Variants in SOX5 observed in about 807,000 individuals in gnomAD.
The protein encoded by SOX5 is transcription factor SOX-5.
In SOX5, 9 loss-of-function variants were observed where a neutral mutation model predicts 92.0. That is an observed-to-expected ratio of 0.10 (90% confidence interval 0.06 to 0.17). The LOEUF is 0.17. SOX5 is among the 10% of genes least tolerant of loss of function. SOX5 has a pLI of 1.00. For synonymous variants in SOX5, 344 were observed against 336.3 expected (o/e 1.02, Z -0.25); for missense variants, 642 against 944.5 (o/e 0.68, Z 4.20).
Position 24,528,272 on chromosome 12 carries a change from A to G in SOX5, c.-251+34057T>C, listed in dbSNP as rs147211539. Among the ~76,000 whole-genome samples the G allele has an allele frequency of 6.9e-3, 1,054 of 152,254 alleles. 13 individuals are homozygous for G. Among genetic ancestry groups the G allele is most frequent in the African/African-American group, 0.024 (1,011 of 41,558 alleles). Reference sequence around the variant, plus strand: ...CGGCTCTGCTGGTCTTGACCTGTACATCCCCTTTTATGGAAAATATAAACA... The same window carrying G: ...CGGCTCTGCTGGTCTTGACCTGTACGTCCCCTTTTATGGAAAATATAAACA... On this transcript the variant is annotated intron_variant, in intron 1 of 4. Transcript: ENST00000446891.
chr12:24,363,960 C>T (rs1185769294), intron 2 of SOX5, among the ~76,000 whole-genome samples: 1 of 152,176 alleles, frequency 6.6e-6, no homozygotes, highest in Non-Finnish European at 1.5e-5. Flanking sequence ...AAACAGAAAA[C>T]CTTCAGGCCC....
intron 9 of SOX5, among the ~76,000 whole-genome samples, chr12:23,597,341 GACCA>G (rs1952643876): frequency 6.6e-6 from 1 of 152,034 alleles, no homozygotes; most frequent in African/African-American, 2.4e-5. Flanking sequence ...GTAAAAATGT[GACCA>G]ACCCTCAACT....
intron 1 of SOX5, among the ~76,000 whole-genome samples, chr12:23,901,833 G>A (rs2097236759): frequency 6.6e-6 from 1 of 152,166 alleles, no homozygotes; most frequent in Non-Finnish European, 1.5e-5. Flanking sequence ...CTCTGATTAT[G>A]CCCTACCTAG....
chr12:23,887,296 C>CA (rs775705883), intron 2 of SOX5, among the ~76,000 whole-genome samples: 2 of 151,770 alleles, frequency 1.3e-5, no homozygotes, highest in Non-Finnish European at 2.9e-5. Context: ...TTGAGATCCA[C>CA]AAGAAGATCC....
chr12:23,960,480 T>G (rs1946767281), intron 4 of SOX5, among the ~76,000 whole-genome samples: 1 of 141,862 alleles, frequency 7.0e-6, no homozygotes, highest in Non-Finnish European at 1.5e-5. Context: ...ATATATATGT[T>G]TTATATATAT....
At chr12:24,504,360 T>C (rs945704235) in intron 1 of SOX5, among the ~76,000 whole-genome samples, 2 of 152,188 alleles carry the variant, frequency 1.3e-5, no homozygotes, top group Admixed American at 6.5e-5. Context: ...CTTCAATATA[T>C]AAATGTGGGC....
At chr12:24,225,482 T>G (rs1211706062) in intron 3 of SOX5, among the ~76,000 whole-genome samples, 1 of 37,358 alleles carries the variant, frequency 2.7e-5, no homozygotes, top group Non-Finnish European at 6.2e-5. Flanking sequence ...ATCAGAGGTT[T>G]TTTTTTTTTT....
At chr12:24,531,067 C>T (rs1485614889) in intron 1 of SOX5, among the ~76,000 whole-genome samples, 16 of 151,924 alleles carry the variant, frequency 1.1e-4, no homozygotes, top group Admixed American at 7.9e-4. Context: ...ACTGTTTATC[C>T]GTGGAAATTA....
intron 2 of SOX5, among the ~76,000 whole-genome samples, chr12:23,875,931 T>C (rs2096922428): frequency 6.6e-6 from 1 of 152,222 alleles, no homozygotes; most frequent in South Asian, 2.1e-4. Context: ...TTGGAAATAC[T>C]GTAGCACAAA....
chr12:23,597,326 T>A (rs1003381281), intron 9 of SOX5, among the ~76,000 whole-genome samples: 1 of 152,222 alleles, frequency 6.6e-6, no homozygotes, highest in Non-Finnish European at 1.5e-5. Flanking sequence ...TTTATTGTTT[T>A]TATGGTAAAA....
chr12:24,182,727 T>A (rs930233881), intron 4 of SOX5, among the ~76,000 whole-genome samples: 3 of 152,182 alleles, frequency 2.0e-5, no homozygotes, highest in African/African-American at 7.2e-5. Flanking sequence ...AATTGCTAAT[T>A]CTTTGAGACA....
At chr12:24,212,639 A>G (rs930000805) in intron 4 of SOX5, 2 of 359,146 alleles carry the variant, frequency 5.6e-6, no homozygotes, top group Admixed American at 8.7e-5. Flanking sequence ...ACACACAGCC[A>G]TTAGCCACAA....
At chr12:23,755,608 T>C in intron 4 of SOX5, 30 bp downstream of exon 4, 1 of 1,486,392 alleles carries the variant, frequency 6.7e-7, no homozygotes, top group African/African-American at 1.4e-5. Context: ...TTTTGGTACA[T>C]TTTGGATAAA....
At chr12:24,339,146 C>A (rs185542454) in intron 2 of SOX5, among the ~76,000 whole-genome samples, 5 of 129,292 alleles carry the variant, frequency 3.9e-5, no homozygotes, top group African/African-American at 1.2e-4. Flanking sequence ...CTGTTTCTCT[C>A]TCTCTCTCTC....
intron 6 of SOX5, among the ~76,000 whole-genome samples, chr12:23,709,469 T>C (rs895181237): frequency 8.5e-5 from 13 of 152,074 alleles, no homozygotes; most frequent in Non-Finnish European, 1.5e-4. Flanking sequence ...CTTGGGGTTT[T>C]ATAAAAAAGG....
In SOX5 at chr12:23,543,275, A is replaced by G. The variant is rs747454633; in HGVS notation, c.1707T>C (p.Asp569=). The G allele has an allele frequency of 1.1e-5, 17 of 1,613,906 alleles. No homozygotes were observed. Among genetic ancestry groups the G allele is most frequent in the Non-Finnish European group, 1.4e-5 (17 of 1,179,960 alleles). The change falls in exon 13 of 15, where the codon GAT becomes GAC. Residue 569 remains aspartate (D), a synonymous_variant. Coordinates refer to ENST00000451604, the MANE Select transcript of SOX5 (RefSeq NM_006940.6). ...AGGCTTGAAGGATCTTTCTCCGTTCATCTTTAGCCCACACCATGAAGGCAT... is the reference window on the plus strand; with the variant it reads ...AGGCTTGAAGGATCTTTCTCCGTTCGTCTTTAGCCCACACCATGAAGGCAT... ...PMNAFMVWAK[D]ERRKILQAFP...
chr12:24,276,120 CT>C (rs1836645326), intron 3 of SOX5, among the ~76,000 whole-genome samples: 1 of 151,890 alleles, frequency 6.6e-6, no homozygotes. Flanking sequence ...GTATTTTTGC[CT>C]GTAAACCTAT....
chr12:24,214,979 A>G (rs750364543), intron 3 of SOX5, among the ~76,000 whole-genome samples: 31 of 152,258 alleles, frequency 2.0e-4, no homozygotes, highest in Non-Finnish European at 3.8e-4. Context: ...ATAACATACC[A>G]TACCATATTA....
At chr12:23,609,956 G>T (rs1263210832) in intron 8 of SOX5, among the ~76,000 whole-genome samples, 2 of 152,066 alleles carry the variant, frequency 1.3e-5, no homozygotes, top group Non-Finnish European at 2.9e-5. Flanking sequence ...TCATTAACAG[G>T]CATTCTTTCT....
Sources: allele counts gnomAD v4.1 joint callset (sites outside exome capture counted in the v4.1 genomes callset), GRCh38; gene constraint gnomAD v4.1.1; transcripts MANE v1.5; gene names NCBI Gene and HGNC (gene_info 2026-07-23, HGNC 2026-07-21).